KLHL13: variants seen among roughly 807,000 people sequenced by gnomAD.
KLHL13 encodes the protein kelch like family member 13.
In KLHL13, 10 loss-of-function variants were observed where a neutral mutation model predicts 37.1. The ratio of observed to expected loss-of-function variants is 0.27; its 90% CI spans 0.17 to 0.46. The LOEUF is 0.46. Among genes scored for constraint, KLHL13 ranks in the 20% least tolerant of loss-of-function variants. The probability of loss-of-function intolerance (pLI) is 1.00; values close to 1 mark genes in which losing one functional copy is unlikely to be tolerated. For synonymous variants in KLHL13, 163 were observed against 181.2 expected (o/e 0.90, Z 0.81); for missense variants, 360 against 509.3 (o/e 0.71, Z 2.82).
intron 1 of KLHL13, among the ~76,000 whole-genome samples, chrX:118,044,258 A>G (rs754425830): frequency 9.0e-6 from 1 of 111,564 alleles, no homozygotes; most frequent in South Asian, 3.7e-4. Context: ...AAGATATTTC[A>G]TCTTCATGGA....
intron 1 of KLHL13, among the ~76,000 whole-genome samples, chrX:118,063,641 A>T (rs1389359983): frequency 8.9e-6 from 1 of 111,820 alleles, no homozygotes; most frequent in African/African-American, 3.2e-5. Context: ...GAATAGCCAA[A>T]CTATTAAAGA....
chrX:118,002,511 T>C (rs367801876), intron 1 of KLHL13, among the ~76,000 whole-genome samples: 8 of 109,243 alleles, frequency 7.3e-5, no homozygotes, highest in African/African-American at 2.3e-4. Flanking sequence ...GAGAATTGCT[T>C]GAACCTGGGA....
At chrX:117,981,353 G>A (rs1183053966) in intron 1 of KLHL13, among the ~76,000 whole-genome samples, 3 of 111,881 alleles carry the variant, frequency 2.7e-5, no homozygotes, top group African/African-American at 9.7e-5. Flanking sequence ...ACTAACCAAA[G>A]TAATTCCATT....
rs190169195 is a variant in KLHL13 at position 117,925,942 on chromosome X, C to T, written c.241-5572G>A. ...CCCCCCAACCGCCACCTGTCTCAGC[C>T]TCCCAAAATGCTGGGATTACAGGTG... is the stretch of plus-strand genomic sequence containing the variant. On this transcript the variant is annotated intron_variant, in intron 2 of 6. Coordinates refer to ENST00000262820, the Ensembl canonical transcript of KLHL13. Among the ~76,000 whole-genome samples the T allele has an allele frequency of 2.3e-3, 256 of 111,440 alleles. 1 individual carries two copies. The highest frequency in any genetic ancestry group is 7.8e-3 in the African/African-American group (240 of 30,617).
upstream of KLHL13, among the ~76,000 whole-genome samples, chrX:118,117,016 C>G (rs1317953338): frequency 5.3e-5 from 6 of 112,808 alleles, no homozygotes. Context: ...GTGACAGGGC[C>G]GGACCCTGAA....
chrX:118,109,271 G>A (rs868209768), intron 1 of KLHL13, among the ~76,000 whole-genome samples: 3 of 111,909 alleles, frequency 2.7e-5, no homozygotes, highest in Admixed American at 9.5e-5. Context: ...CCTTGAAATT[G>A]CGCAACAGAG....
intron 1 of KLHL13, among the ~76,000 whole-genome samples, chrX:117,995,533 C>G (rs955450193): frequency 9.0e-6 from 1 of 111,379 alleles, no homozygotes; most frequent in South Asian, 3.9e-4. Flanking sequence ...CTGCACCTAT[C>G]AAGTAAACAA....
chrX:118,081,300 A>G (rs2054990792), intron 1 of KLHL13, among the ~76,000 whole-genome samples: 1 of 111,777 alleles, frequency 8.9e-6, no homozygotes, highest in African/African-American at 3.2e-5. Flanking sequence ...TTGTGTGCAC[A>G]CCTGTGCCAA....
rs373625143 is a variant in KLHL13, at chrX:117,899,130, G to A, written c.1746C>T (p.Val582=). The change falls in exon 7 of 7, where the codon GTC becomes GTT. Residue 582 remains valine (V), a synonymous_variant. Transcript: ENST00000262820. ...CATAGATTTTATTTTCGAAGACAGC[G>A]ACCCCAACATCACTCTGCCCTCTTA... is the stretch of plus-strand genomic sequence containing the variant. The A allele has an allele frequency of 6.6e-6, 8 of 1,209,901 alleles. No homozygotes were observed. The African/African-American group carries it at 7.0e-5, about 11-fold the overall frequency.
chrX:118,051,762 G>C (rs1462846892), intron 1 of KLHL13, among the ~76,000 whole-genome samples: 1 of 110,464 alleles, frequency 9.1e-6, no homozygotes, highest in East Asian at 2.8e-4. Context: ...TTCCCTAAAA[G>C]AGTCAGATTT....
At chrX:118,024,086 G>T (rs780567685) in intron 1 of KLHL13, among the ~76,000 whole-genome samples, 364 of 112,065 alleles carry the variant, frequency 3.2e-3, no homozygotes, top group Non-Finnish European at 6.1e-3. Context: ...ATAAACTAGG[G>T]TCCATAAGAC....
intron 2 of KLHL13, among the ~76,000 whole-genome samples, chrX:117,938,366 G>T (rs1014626589): frequency 2.7e-5 from 3 of 111,019 alleles, no homozygotes; most frequent in African/African-American, 9.8e-5. Context: ...GCCATGACTC[G>T]GTGGAAGAAG....
chrX:118,088,329 A>G (rs112854605), intron 1 of KLHL13, among the ~76,000 whole-genome samples: 2,097 of 112,078 alleles, frequency 0.019, 50 homozygotes, highest in African/African-American at 0.062. Context: ...GCAATAATGT[A>G]TACGTTAATC....
intron 1 of KLHL13, chrX:117,945,982 A>G (rs1488093541): frequency 1.7e-5 from 2 of 116,186 alleles, no homozygotes; most frequent in African/African-American, 6.5e-5. Flanking sequence ...AATAGTCATT[A>G]TATAGCAGGT....
chrX:118,019,319 G>C (rs1371633476), intron 1 of KLHL13, among the ~76,000 whole-genome samples: 1 of 110,787 alleles, frequency 9.0e-6, no homozygotes, highest in Non-Finnish European at 1.9e-5. Flanking sequence ...CATATCCTTC[G>C]CCCACTTTTT....
intron 1 of KLHL13, among the ~76,000 whole-genome samples, chrX:117,980,096 G>A (rs1229478977): frequency 9.0e-6 from 1 of 111,430 alleles, no homozygotes; most frequent in Non-Finnish European, 1.9e-5. Flanking sequence ...AATTTTGGTA[G>A]CATCAAATAT....
chrX:117,903,145 C>CA (rs201356237), intron 5 of KLHL13, among the ~76,000 whole-genome samples: 2,851 of 102,475 alleles, frequency 0.028, 99 homozygotes, highest in African/African-American at 0.1. Flanking sequence ...AACACACACA[C>CA]ACACACACAC....
intron 1 of KLHL13, among the ~76,000 whole-genome samples, chrX:118,017,151 G>A (rs376838952): frequency 8.1e-5 from 9 of 111,285 alleles, no homozygotes; most frequent in African/African-American, 2.9e-4. Flanking sequence ...GTAGATCTCT[G>A]CAGTCTGTGA....
intron 1 of KLHL13, among the ~76,000 whole-genome samples, chrX:118,029,554 C>A (rs932261736): frequency 2.7e-5 from 3 of 111,635 alleles, no homozygotes; most frequent in African/African-American, 9.8e-5. Context: ...TGTATTTATT[C>A]TATTCGTTTC....
Sources: allele counts gnomAD v4.1 joint callset (sites outside exome capture counted in the v4.1 genomes callset), GRCh38; gene constraint gnomAD v4.1.1; transcripts MANE v1.5; gene names NCBI Gene and HGNC (gene_info 2026-07-23, HGNC 2026-07-21).